Variants in RASGRP3 observed in about 807,000 individuals in gnomAD.
RASGRP3 encodes the protein RAS guanyl releasing protein 3.
In RASGRP3, 54 loss-of-function variants were observed where a neutral mutation model predicts 82.7. The ratio of observed to expected loss-of-function variants is 0.65; its 90% confidence interval spans 0.52 to 0.82. The LOEUF is 0.82. Among genes scored for constraint, RASGRP3 ranks in the 40% least tolerant of loss-of-function variants. The pLI is 0.00. For missense variants in RASGRP3, 861 were observed against 828.9 expected (o/e 1.04, Z -0.48); for synonymous variants, 309 against 300.5 (o/e 1.03, Z -0.29).
chr2:33,483,252 A>G (rs1668089837), intron 1 of RASGRP3, among the ~76,000 whole-genome samples: 1 of 152,108 alleles, frequency 6.6e-6, no homozygotes, highest in South Asian at 2.1e-4. Context: ...TCTATTTGTC[A>G]AATGCTGCCT....
intron 12 of RASGRP3, among the ~76,000 whole-genome samples, 155 bp from the exon 13 acceptor site, chr2:33,543,357 T>C (rs1482354946): frequency 1.3e-5 from 2 of 152,196 alleles, no homozygotes; most frequent in Non-Finnish European, 2.9e-5. Flanking sequence ...CCACTTGTCT[T>C]GTTATATTAT....
chr2:33,451,291 A>G (rs1471245206), intron 2 of RASGRP3, among the ~76,000 whole-genome samples: 1 of 152,096 alleles, frequency 6.6e-6, no homozygotes, highest in Non-Finnish European at 1.5e-5. Context: ...TGAGTTCCTT[A>G]CATATTTTGG....
intron 1 of RASGRP3, among the ~76,000 whole-genome samples, chr2:33,439,834 A>T (rs1665125188): frequency 6.6e-6 from 1 of 152,064 alleles, no homozygotes; most frequent in African/African-American, 2.4e-5. Flanking sequence ...GGCCGATGAG[A>T]AGTTCTGAAA....
intron 1 of RASGRP3, among the ~76,000 whole-genome samples, chr2:33,495,413 C>T (rs1276134659): frequency 6.6e-6 from 1 of 152,108 alleles, no homozygotes; most frequent in Non-Finnish European, 1.5e-5. Flanking sequence ...AATCTAACGC[C>T]GCAGCTCATC....
chr2:33,461,856 C>T (rs6756915), intron 2 of RASGRP3, among the ~76,000 whole-genome samples: 126,124 of 152,108 alleles, frequency 0.83, 52,581 homozygotes, highest in African/African-American at 0.91. Flanking sequence ...GAGTGATACT[C>T]CAGAAAAGGC....
chr2:33,484,489 T>G (rs1466885471), intron 1 of RASGRP3, among the ~76,000 whole-genome samples: 1 of 152,198 alleles, frequency 6.6e-6, no homozygotes, highest in Non-Finnish European at 1.5e-5. Flanking sequence ...ATGCATGGAA[T>G]GCTTGCCGTT....
intron 2 of RASGRP3, among the ~76,000 whole-genome samples, chr2:33,468,428 G>A (rs1242425572): frequency 6.6e-6 from 1 of 151,048 alleles, no homozygotes; most frequent in Non-Finnish European, 1.5e-5. Flanking sequence ...TTGAGACGGA[G>A]TCTCGCTCTG....
intron 1 of RASGRP3, among the ~76,000 whole-genome samples, chr2:33,488,144 T>G (rs1230241930): frequency 6.6e-6 from 1 of 152,204 alleles, no homozygotes; most frequent in African/African-American, 2.4e-5. Context: ...ACCTCTTGAT[T>G]TTCAAAAGTT....
chr2:33,549,042 G>A (rs1274716982), intron 13 of RASGRP3, among the ~76,000 whole-genome samples: 1 of 152,124 alleles, frequency 6.6e-6, no homozygotes, highest in Non-Finnish European at 1.5e-5. Flanking sequence ...AGTAGGGGTA[G>A]GAAGGTGGGA....
intron 13 of RASGRP3, among the ~76,000 whole-genome samples, chr2:33,546,099 C>T (rs368013302): frequency 2.0e-5 from 3 of 151,690 alleles, no homozygotes; most frequent in Non-Finnish European, 2.9e-5. Flanking sequence ...CGTGAGCCAC[C>T]GTGCCCAGCC....
At chr2:33,439,023 G>A (rs1665076507) in intron 1 of RASGRP3, among the ~76,000 whole-genome samples, 1 of 152,164 alleles carries the variant, frequency 6.6e-6, no homozygotes, top group East Asian at 1.9e-4. Flanking sequence ...GCCTGACGCT[G>A]GGTGGGGTAG....
In RASGRP3 at chr2:33,564,308, T is replaced by C. The variant is rs1291833638; in HGVS notation, c.*1571T>C. ...AACTTGTGCCAACCAGATTTACAGA[T>C]TGGAAATACTGCAGATGATGTGAAG... On this transcript the variant is annotated 3_prime_UTR_variant, in exon 18 of 18. Transcript: ENST00000403687. 1 of 152,130 alleles carries C rather than the reference T, an allele frequency of 6.6e-6. No homozygotes were observed. The highest frequency in any genetic ancestry group is 2.4e-5 in the African/African-American group (1 of 41,428). 9.4% of individuals were successfully genotyped at this position (152,130 alleles called of 1,614,324 possible).
chr2:33,449,302 T>C (rs550462916), intron 2 of RASGRP3, among the ~76,000 whole-genome samples: 2 of 152,372 alleles, frequency 1.3e-5, no homozygotes, highest in South Asian at 2.1e-4. Flanking sequence ...ATATGTTTTT[T>C]CTCAACCAAC....
intron 10 of RASGRP3, among the ~76,000 whole-genome samples, chr2:33,527,626 C>G (rs535272809): frequency 7.9e-5 from 12 of 152,274 alleles, no homozygotes; most frequent in African/African-American, 2.9e-4. Context: ...TACCTTTGTT[C>G]GGAGGGGCCC....
At chr2:33,501,689 C>T (rs1272365479) in intron 1 of RASGRP3, among the ~76,000 whole-genome samples, 1 of 152,158 alleles carries the variant, frequency 6.6e-6, no homozygotes, top group Non-Finnish European at 1.5e-5. Context: ...TTGGAGTCAT[C>T]AACGTAGAGG....
At chr2:33,462,226 G>T (rs1423450663) in intron 2 of RASGRP3, among the ~76,000 whole-genome samples, 1 of 152,122 alleles carries the variant, frequency 6.6e-6, no homozygotes, top group Non-Finnish European at 1.5e-5. Context: ...CTAGTGAGCT[G>T]CCATGTGAAC....
chr2:33,504,828 A>T (rs1445115866), intron 1 of RASGRP3, among the ~76,000 whole-genome samples: 2 of 152,212 alleles, frequency 1.3e-5, no homozygotes, highest in East Asian at 3.9e-4. Context: ...ACCCCTAAGA[A>T]TTTTACTTAT....
chr2:33,547,101 T>G (rs1674852113), intron 13 of RASGRP3, among the ~76,000 whole-genome samples: 1 of 150,464 alleles, frequency 6.6e-6, no homozygotes, highest in Non-Finnish European at 1.5e-5. Context: ...TCATGTGTTT[T>G]GCAGGAACGC....
At chr2:33,535,130 T>C (rs910530505) in intron 11 of RASGRP3, among the ~76,000 whole-genome samples, 4 of 152,228 alleles carry the variant, frequency 2.6e-5, no homozygotes, top group African/African-American at 7.2e-5. Flanking sequence ...GATCATAATT[T>C]ACAAATTTCT....
Sources: gnomAD v4.1 joint callset for allele counts (sites outside exome capture counted in the v4.1 genomes callset) on GRCh38, gnomAD v4.1.1 for gene constraint, MANE v1.5 for transcripts, NCBI Gene and HGNC (gene_info 2026-07-23, HGNC 2026-07-21) for gene names.